NUMB: variants seen among roughly 807,000 people sequenced by gnomAD.
NUMB encodes the protein NUMB endocytic adaptor protein.
A neutral mutation model predicts 59.7 loss-of-function variants in NUMB; 29 were observed. The ratio of observed to expected loss-of-function variants is 0.49; its 90% CI spans 0.36 to 0.66. NUMB has a LOEUF of 0.66. Ranked by LOEUF, NUMB falls within the 30% of genes least tolerant of loss-of-function variation. The pLI, the probability that NUMB is intolerant of heterozygous loss-of-function variation, is 0.00. For synonymous variants in NUMB, 288 were observed against 288.2 expected (o/e 1.00, Z 0.01); for missense variants, 723 against 822.0 (o/e 0.88, Z 1.47).
chr14:73,355,829 G>A (rs1204883510), intron 3 of NUMB, 63 bp from the exon 4 acceptor site: 23 of 1,343,262 alleles, frequency 1.7e-5, no homozygotes, highest in Non-Finnish European at 2.2e-5. Flanking sequence ...TTAAACTTTG[G>A]ATTACCATAC....
At chr14:73,353,570 G>A (rs1893585278) in intron 4 of NUMB, among the ~76,000 whole-genome samples, 1 of 151,016 alleles carries the variant, frequency 6.6e-6, no homozygotes, top group Non-Finnish European at 1.5e-5. Context: ...ATACAGGCCA[G>A]GCATGGTGGC....
rs1888117762 is a variant in NUMB at position 73,275,866 on chromosome 14, A to G, written c.*712T>C. ...TTATTTCAGTAGGCATCAATGATAA[A>G]TCAATCTTATGTACAATTTCTTACA... is the stretch of plus-strand genomic sequence containing the variant. On this transcript the variant is annotated 3_prime_UTR_variant, in exon 13 of 13. Transcript: ENST00000555238. The G allele has an allele frequency of 6.6e-6, 1 of 151,970 alleles. No homozygotes were observed. The highest frequency in any genetic ancestry group is 1.5e-5 in the Non-Finnish European group (1 of 68,046). The allele number at this position is 151,970 out of a possible 1,614,324, so 9.4% of individuals were successfully genotyped here.
rs545125634 is a variant in NUMB at position 73,391,405 on chromosome 14, TAAAAGAA to T, written c.-101+18525_-101+18531del. 1.4e-4 allele frequency among the ~76,000 whole-genome samples: 22 copies of T among 151,790 alleles called. No individual in the cohort carries two copies. In the East Asian group the frequency reaches 4.1e-3, roughly 28 times the overall value. ...TTCTATCACATGGGACACAAATATCTAAAAGAAAAAAGAAAAAGAAAAAATCATTTTC... is the reference window on the plus strand; with the variant it reads ...TTCTATCACATGGGACACAAATATCTAAAAGAAAAAGAAAAAATCATTTTC... On this transcript the variant is annotated intron_variant, in intron 2 of 12. Transcript: ENST00000555238.
At chr14:73,404,027 A>AC (rs1896543302) in intron 2 of NUMB, among the ~76,000 whole-genome samples, 1 of 149,796 alleles carries the variant, frequency 6.7e-6, no homozygotes, top group Non-Finnish European at 1.5e-5. Context: ...CCAGAGGCGG[A>AC]GGTTGCAGTG....
At chr14:73,299,005 A>G (rs1889951084) in intron 6 of NUMB, 1 of 152,268 alleles carries the variant, frequency 6.6e-6, no homozygotes, top group Non-Finnish European at 1.5e-5. Context: ...GGAAGGTTAT[A>G]CAAAGGAGAA....
intron 2 of NUMB, among the ~76,000 whole-genome samples, chr14:73,367,799 T>C (rs1894446061): frequency 7.1e-6 from 1 of 141,310 alleles, no homozygotes; most frequent in Non-Finnish European, 1.5e-5. Context: ...AAAAGATGGA[T>C]TCGTGTGGTA....
chr14:73,280,186 C>T (rs1656596387), intron 11 of NUMB, among the ~76,000 whole-genome samples: 1 of 152,068 alleles, frequency 6.6e-6, no homozygotes, highest in South Asian at 2.1e-4. Flanking sequence ...TTTGTTTCCT[C>T]CTCAAAAGTT....
At chr14:73,404,129 C>G (rs992393925) in intron 2 of NUMB, among the ~76,000 whole-genome samples, 3 of 151,320 alleles carry the variant, frequency 2.0e-5, no homozygotes, top group Admixed American at 6.6e-5. Context: ...GTCATCCCAG[C>G]TACTTGGCAA....
chr14:73,359,146 A>C (rs1238959848), intron 3 of NUMB, among the ~76,000 whole-genome samples: 1 of 152,240 alleles, frequency 6.6e-6, no homozygotes. Flanking sequence ...TTTTTTAAAA[A>C]ATGAATTTGG....
intron 4 of NUMB, among the ~76,000 whole-genome samples, chr14:73,328,719 A>T (rs564442423): frequency 2.0e-5 from 3 of 152,054 alleles, no homozygotes; most frequent in African/African-American, 7.2e-5. Context: ...TCCACATCTT[A>T]TTTGATGAAG....
chr14:73,349,858 G>T (rs1236578908), intron 4 of NUMB, among the ~76,000 whole-genome samples: 2 of 150,702 alleles, frequency 1.3e-5, no homozygotes, highest in East Asian at 3.9e-4. Context: ...CAGCCTGGGG[G>T]ACAGAGCAAG....
intron 4 of NUMB, among the ~76,000 whole-genome samples, chr14:73,338,439 G>GTCACA (rs1010386733): frequency 5.1e-4 from 78 of 152,174 alleles, no homozygotes; most frequent in Non-Finnish European, 4.0e-4. Context: ...CCTAACATAA[G>GTCACA]TCACATCATC....
chr14:73,275,760 G>GT lies in NUMB; in HGVS notation c.*817dup, dbSNP rs1888109603. 1 of 152,470 alleles carries GT rather than the reference G, an allele frequency of 6.6e-6. No homozygotes were observed. Among genetic ancestry groups the GT allele is most frequent in the Non-Finnish European group, 1.5e-5 (1 of 68,008 alleles). The allele number at this position is 152,470 out of a possible 1,614,324, so 9.4% of individuals were successfully genotyped here. A position where few individuals can be genotyped will look rare whatever the true frequency, so the allele number is the denominator to read the frequency against. The stretch of plus-strand genomic sequence containing the variant: ...TGTATTGGTCATAAGCATGATTGTT[G>GT]TTGCAATGTGCTACTTACAATGAAT... On this transcript the variant is annotated 3_prime_UTR_variant, in exon 13 of 13. Coordinates refer to ENST00000555238, the MANE Select transcript of NUMB (RefSeq NM_001005743.2).
chr14:73,297,143 G>T, intron 7 of NUMB, 68 bp downstream of exon 7: 1 of 1,058,824 alleles, frequency 9.4e-7, no homozygotes, highest in Non-Finnish European at 1.4e-6. Flanking sequence ...CTCCAGCCTG[G>T]GTGACAAGAG....
intron 2 of NUMB, among the ~76,000 whole-genome samples, chr14:73,407,762 G>A (rs888505873): frequency 3.3e-5 from 5 of 152,122 alleles, no homozygotes; most frequent in Non-Finnish European, 5.9e-5. Flanking sequence ...CATTCCTATA[G>A]TGCACAGACC....
chr14:73,324,400 T>C (rs1420324007), intron 4 of NUMB, among the ~76,000 whole-genome samples: 1 of 152,114 alleles, frequency 6.6e-6, no homozygotes, highest in Non-Finnish European at 1.5e-5. Context: ...TACAAACACA[T>C]AATAAATTTT....
In NUMB at chr14:73,279,292, G is replaced by A. The variant is rs748793226; in HGVS notation, c.1229C>T (p.Ala410Val). 6.2e-7 allele frequency: 1 copy of A among 1,614,178 alleles called. No individual in the cohort carries two copies. Among genetic ancestry groups the A allele is most frequent in the Admixed American group, 1.7e-5 (1 of 60,020 alleles). The part of the protein sequence containing the change: ...APDAANKEIA[A>V]TCSGTEWGQS... ...TGTGGCCACCTTACCCGAACATGTG[G>A]CTGCAATTTCCTTGTTAGCAGCATC... Residue 410 changes from alanine to valine, a missense_variant, in exon 12 of 13, where the codon GCC (alanine) becomes GTC (valine). By Grantham distance (64) the Ala-to-Val change is moderately conservative. This residue lies in a region of NUMB where 406 missense variants were observed against 385.4 expected (regional missense o/e 1.05). Coordinates refer to ENST00000555238, the MANE Select transcript of NUMB (RefSeq NM_001005743.2).
At chr14:73,302,656 C>T (rs1000779177) in intron 6 of NUMB, among the ~76,000 whole-genome samples, 3 of 152,006 alleles carry the variant, frequency 2.0e-5, no homozygotes, top group African/African-American at 7.3e-5. Context: ...AGGTGATCCG[C>T]CCACTTTAGC....
chr14:73,287,037 CT>C (rs776654858), intron 9 of NUMB, 72 bp downstream of exon 9: 3 of 1,410,974 alleles, frequency 2.1e-6, no homozygotes, highest in Non-Finnish European at 2.0e-6. Context: ...AAATTTACCC[CT>C]GGTAGCTTCA....
Sources: allele counts gnomAD v4.1 joint callset (sites outside exome capture counted in the v4.1 genomes callset), GRCh38; gene constraint gnomAD v4.1.1; regional missense constraint gnomAD v4.1.1; transcripts MANE v1.5; gene names NCBI Gene and HGNC (gene_info 2026-07-23, HGNC 2026-07-21).